The following PPP4R4 variants were observed in gnomAD, a reference collection of about 807,000 sequenced individuals.
PPP4R4 encodes the protein protein phosphatase 4 regulatory subunit 4.
In PPP4R4, 70 loss-of-function variants were observed where a neutral mutation model predicts 121.8. The ratio of observed to expected loss-of-function variants is 0.57; its 90% CI spans 0.47 to 0.70. PPP4R4 has a LOEUF of 0.70. Among genes scored for constraint, PPP4R4 ranks in the 30% least tolerant of loss-of-function variants. The probability of loss-of-function intolerance (pLI) is 0.00; values close to 1 mark genes in which losing one functional copy is unlikely to be tolerated. For missense variants in PPP4R4, 875 were observed against 1,033.6 expected (o/e 0.85, Z 2.10); for synonymous variants, 348 against 355.7 (o/e 0.98, Z 0.24).
chr14:94,274,231 G>A (rs1256716241), intron 23 of PPP4R4, among the ~76,000 whole-genome samples: 2 of 152,038 alleles, frequency 1.3e-5, no homozygotes, highest in Non-Finnish European at 2.9e-5. Flanking sequence ...GAAAGTCTTT[G>A]TGATTTTGGA....
At chr14:94,249,466 A>G (rs1893067829) in intron 14 of PPP4R4, among the ~76,000 whole-genome samples, 1 of 152,224 alleles carries the variant, frequency 6.6e-6, no homozygotes, top group Non-Finnish European at 1.5e-5. Flanking sequence ...ATTCAACATT[A>G]TATTTGTATG....
chr14:94,225,534 G>A (rs1488980699), intron 3 of PPP4R4, among the ~76,000 whole-genome samples: 1 of 152,318 alleles, frequency 6.6e-6, no homozygotes, highest in East Asian at 1.9e-4. Flanking sequence ...CTGAAATCAG[G>A]TTAAGTAAGA....
intron 7 of PPP4R4, among the ~76,000 whole-genome samples, chr14:94,237,034 A>G (rs984083999): frequency 1.3e-5 from 2 of 152,264 alleles, no homozygotes; most frequent in South Asian, 4.1e-4. Context: ...TATTATAAAT[A>G]TTGTATACTC....
chr14:94,175,726 G>C (rs1376604137), intron 1 of PPP4R4: 2 of 333,486 alleles, frequency 6.0e-6, no homozygotes, highest in Admixed American at 8.2e-5. Context: ...GAGATAAAAA[G>C]TGTGTGTATT....
chr14:94,200,220 A>T (rs1890099921), intron 2 of PPP4R4, among the ~76,000 whole-genome samples: 1 of 152,222 alleles, frequency 6.6e-6, no homozygotes, highest in African/African-American at 2.4e-5. Flanking sequence ...GCATACTGCT[A>T]GACTCACTTA....
chr14:94,199,578 G>A (rs773885825), intron 2 of PPP4R4, among the ~76,000 whole-genome samples: 1 of 152,176 alleles, frequency 6.6e-6, no homozygotes, highest in Non-Finnish European at 1.5e-5. Context: ...CGGATCACAC[G>A]TGGACTTGGA....
intron 23 of PPP4R4, among the ~76,000 whole-genome samples, chr14:94,270,879 G>A (rs1161962229): frequency 6.7e-6 from 1 of 149,488 alleles, no homozygotes; most frequent in African/African-American, 2.5e-5. Flanking sequence ...GATCATGCCA[G>A]TGCACTTCAG....
Position 94,229,382 on chromosome 14 carries a change from T to G in PPP4R4, c.295-1205T>G, listed in dbSNP as rs565191521. On this transcript the variant is annotated intron_variant, in intron 3 of 24. Transcript: ENST00000304338. Reference sequence around the variant, plus strand: ...GAGTTAAGGATGACCCCACAGTTTTTGGGCTGAGCAGCTGGAATGGCAGAG... The same window carrying G: ...GAGTTAAGGATGACCCCACAGTTTTGGGGCTGAGCAGCTGGAATGGCAGAG... Among the ~76,000 whole-genome samples, 966 of 152,190 alleles carry G rather than the reference T, an allele frequency of 6.3e-3. 9 individuals carry two copies. Among genetic ancestry groups the G allele is most frequent in the African/African-American group, 0.021 (861 of 41,528 alleles).
At chr14:94,177,126 C>T (rs1049325930) in intron 2 of PPP4R4, among the ~76,000 whole-genome samples, 1 of 151,778 alleles carries the variant, frequency 6.6e-6, no homozygotes, top group East Asian at 1.9e-4. Flanking sequence ...ACTTTTTTAG[C>T]CTTCTAAAAG....
rs190271421 is a variant in PPP4R4 at position 94,187,183 on chromosome 14, G to A, written c.191+11056G>A. Among the ~76,000 whole-genome samples the A allele has an allele frequency of 5.9e-3, 900 of 152,032 alleles. 5 individuals carry two copies. The highest frequency in any genetic ancestry group is 0.012 in the Admixed American group (184 of 15,258). On this transcript the variant is annotated intron_variant, in intron 2 of 24. Coordinates refer to ENST00000304338, the MANE Select transcript of PPP4R4 (RefSeq NM_058237.2). Reference sequence around the variant, plus strand: ...AAAAATTACCTGGGTGTGTTGGTGGGCACCTGTAATCCCAGCTACTCGGGA... The same window carrying A: ...AAAAATTACCTGGGTGTGTTGGTGGACACCTGTAATCCCAGCTACTCGGGA...
At chr14:94,175,860 C>T (rs916178093) in intron 1 of PPP4R4, 194 bp from the exon 2 acceptor site, 1 of 585,468 alleles carries the variant, frequency 1.7e-6, no homozygotes, top group South Asian at 2.2e-5. Context: ...TCCCCAAACT[C>T]CCCAAACCAC....
At chr14:94,246,127 G>A (rs923601604) in intron 13 of PPP4R4, among the ~76,000 whole-genome samples, 2 of 152,128 alleles carry the variant, frequency 1.3e-5, no homozygotes, top group African/African-American at 2.4e-5. Flanking sequence ...AGAATGAGTT[G>A]TAGTTTTTAT....
intron 11 of PPP4R4, 79 bp from the exon 12 acceptor site, chr14:94,244,556 T>C: frequency 1.8e-6 from 2 of 1,108,952 alleles, no homozygotes; most frequent in Non-Finnish European, 1.2e-6. Flanking sequence ...ATAACAAGGA[T>C]GTATTTTTAA....
chr14:94,258,640 C>A, intron 17 of PPP4R4, 143 bp from the exon 18 acceptor site: 2 of 645,540 alleles, frequency 3.1e-6, no homozygotes, highest in African/African-American at 1.8e-5. Flanking sequence ...TAGAATTGGG[C>A]AGAACTTTAG....
At chr14:94,192,998 A>C (rs1013274233) in intron 2 of PPP4R4, among the ~76,000 whole-genome samples, 1 of 152,232 alleles carries the variant, frequency 6.6e-6, no homozygotes, top group Non-Finnish European at 1.5e-5. Context: ...CAAGGATTTC[A>C]TAAACTAGCA....
At chr14:94,195,828 A>G (rs1038724398) in intron 2 of PPP4R4, among the ~76,000 whole-genome samples, 6 of 152,178 alleles carry the variant, frequency 3.9e-5, no homozygotes, top group East Asian at 1.9e-4. Flanking sequence ...CCTGGGTAGG[A>G]AAAGGGCCAG....
At chr14:94,226,144 G>A (rs1341935410) in intron 3 of PPP4R4, among the ~76,000 whole-genome samples, 2 of 152,126 alleles carry the variant, frequency 1.3e-5, no homozygotes, top group Admixed American at 6.6e-5. Flanking sequence ...GTTTAAAAAT[G>A]ACTTAGCAGA....
At chr14:94,273,376 G>A (rs767076611) in intron 23 of PPP4R4, among the ~76,000 whole-genome samples, 30 of 152,032 alleles carry the variant, frequency 2.0e-4, no homozygotes, top group Non-Finnish European at 3.8e-4. Context: ...GAAGCAAATC[G>A]AAACATTCCA....
intron 3 of PPP4R4, among the ~76,000 whole-genome samples, chr14:94,224,705 C>T (rs896658073): frequency 2.0e-5 from 3 of 151,860 alleles, no homozygotes; most frequent in East Asian, 1.9e-4. Context: ...TTGAGACATC[C>T]GAAGTAGAGT....
Sources: gnomAD v4.1 joint callset for allele counts (sites outside exome capture counted in the v4.1 genomes callset) on GRCh38, gnomAD v4.1.1 for gene constraint, MANE v1.5 for transcripts, NCBI Gene and HGNC (gene_info 2026-07-23, HGNC 2026-07-21) for gene names.